Variants in CUX1 observed in about 807,000 individuals in gnomAD.
CUX1 encodes protein CASP.
In CUX1, 31 loss-of-function variants were observed where a neutral mutation model predicts 158.8. The ratio of observed to expected loss-of-function variants is 0.20; its 90% confidence interval spans 0.15 to 0.26. CUX1 has a LOEUF of 0.26. Ranked by LOEUF, CUX1 falls within the 10% of genes least tolerant of loss-of-function variation. The pLI, the probability that CUX1 is intolerant of heterozygous loss-of-function variation, is 1.00. For synonymous variants in CUX1, 879 were observed against 862.1 expected, an observed-to-expected ratio of 1.02 and a Z score of -0.34; for missense variants, 1,589 against 2,014.6, an observed-to-expected ratio of 0.79 and a Z score of 4.04.
At chr7:101,968,241 C>T (rs1811469812) in intron 2 of CUX1, among the ~76,000 whole-genome samples, 2 of 152,098 alleles carry the variant, frequency 1.3e-5, no homozygotes, top group Non-Finnish European at 2.9e-5. Flanking sequence ...AAAATCTTCA[C>T]ATAAAAGTTA....
At chr7:102,166,137 G>A (rs1392545567) in intron 9 of CUX1, among the ~76,000 whole-genome samples, 5 of 152,178 alleles carry the variant, frequency 3.3e-5, no homozygotes, top group Non-Finnish European at 7.4e-5. Flanking sequence ...CCAGGTGATG[G>A]GCATCGGCTT....
chr7:101,947,343 GT>G (rs1263636489), intron 2 of CUX1, among the ~76,000 whole-genome samples: 1 of 152,212 alleles, frequency 6.6e-6, no homozygotes, highest in Non-Finnish European at 1.5e-5. Flanking sequence ...GCAGTGAGCC[GT>G]GATCATGCCA....
chr7:102,086,776 T>TGGAC (rs1827995387), intron 4 of CUX1, among the ~76,000 whole-genome samples: 1 of 152,138 alleles, frequency 6.6e-6, no homozygotes, highest in African/African-American at 2.4e-5. Context: ...TCTTTTTTCT[T>TGGAC]TCAGTTCTGT....
rs782298488 is a variant in CUX1, at chr7:102,178,539, C to T, written c.899C>T (p.Ala300Val). The T allele has an allele frequency of 2.5e-6, 4 of 1,613,666 alleles. No individual in the cohort carries two copies. Among genetic ancestry groups the T allele is most frequent in the African/African-American group, 1.3e-5 (1 of 75,056 alleles). ...TTGGCCGCCAAGGAGCGGGAGATCGCACAGCTGGTGGAGGACGTGCAGAGA... is the reference window on the plus strand; with the variant it reads ...TTGGCCGCCAAGGAGCGGGAGATCGTACAGCTGGTGGAGGACGTGCAGAGA... Reference protein sequence around the residue: ...VELAAKEREIAQLVEDVQRLQ... With the variant: ...VELAAKEREIVQLVEDVQRLQ... Residue 300 changes from alanine (A) to valine (V), a missense_variant, in exon 11 of 24, where the codon GCA becomes GTA. Ala to Val is a moderately conservative substitution (Grantham distance 64). Around this residue, in one of 8 missense-constraint regions of CUX1, gnomAD observed 515 missense variants for 574.4 expected, o/e 0.90. Transcript: ENST00000292535.
intron 2 of CUX1, among the ~76,000 whole-genome samples, chr7:101,980,295 C>A (rs985081052): frequency 6.6e-6 from 1 of 152,074 alleles, no homozygotes; most frequent in Non-Finnish European, 1.5e-5. Context: ...TGCTTGAGCC[C>A]AGGAGTTCGA....
At chr7:101,860,657 T>C (rs1797338910) in intron 1 of CUX1, among the ~76,000 whole-genome samples, 1 of 152,172 alleles carries the variant, frequency 6.6e-6, no homozygotes, top group Non-Finnish European at 1.5e-5. Context: ...TGTCTGTCTT[T>C]CCTTCCTTTC....
intron 9 of CUX1, among the ~76,000 whole-genome samples, chr7:102,163,148 A>G (rs1790639538): frequency 6.6e-6 from 1 of 152,150 alleles, no homozygotes; most frequent in Non-Finnish European, 1.5e-5. Flanking sequence ...GTTAAAGGAA[A>G]GCCAGAGAAG....
At chr7:102,176,100 G>A (rs1292047152) in intron 10 of CUX1, among the ~76,000 whole-genome samples, 3 of 152,214 alleles carry the variant, frequency 2.0e-5, no homozygotes, top group Non-Finnish European at 2.9e-5. Flanking sequence ...CAGGAGAACC[G>A]AAACACCTCT....
intron 10 of CUX1, among the ~76,000 whole-genome samples, chr7:102,177,542 A>C (rs934600945): frequency 6.6e-6 from 1 of 152,106 alleles, no homozygotes; most frequent in African/African-American, 2.4e-5. Context: ...TTGTGGTGGA[A>C]AATCTCGGTG....
At chr7:101,900,167 G>A (rs767099466) in intron 1 of CUX1, among the ~76,000 whole-genome samples, 59 of 152,114 alleles carry the variant, frequency 3.9e-4, no homozygotes, top group Non-Finnish European at 3.2e-4. Context: ...TCCCTCTGCC[G>A]GTGTCCCTCA....
Position 101,967,527 on chromosome 7 carries a change from C to T in CUX1, c.141+51302C>T, listed in dbSNP as rs74477328. ...GATGTTCATTGAATGCAAATTCTTT[C>T]GCAAATAATGGCCTGCAACTGCTTT... On this transcript the variant is annotated intron_variant, in intron 2 of 23. Transcript: ENST00000292535. Among the ~76,000 whole-genome samples the T allele has an allele frequency of 1.6e-3, 246 of 152,226 alleles. 1 individual carries two copies. The East Asian group carries it at 0.03, about 18-fold the overall frequency.
chr7:101,819,458 A>G (rs1300393686), intron 1 of CUX1, among the ~76,000 whole-genome samples: 2 of 152,206 alleles, frequency 1.3e-5, no homozygotes, highest in East Asian at 1.9e-4. Context: ...AAACTTGAAA[A>G]GTTGCCTTCT....
chr7:102,090,666 C>T (rs1007097001), intron 4 of CUX1, among the ~76,000 whole-genome samples: 18 of 149,776 alleles, frequency 1.2e-4, no homozygotes, highest in Middle Eastern at 3.5e-3. Flanking sequence ...GGATTACAGG[C>T]GTGAGCCACC....
intron 2 of CUX1, among the ~76,000 whole-genome samples, chr7:101,919,770 C>G (rs1320969318): frequency 6.6e-6 from 1 of 152,192 alleles, no homozygotes; most frequent in African/African-American, 2.4e-5. Flanking sequence ...TCTAGACTGG[C>G]CCTTCCCAGA....
chr7:101,967,369 G>T (rs1027552507), intron 2 of CUX1, among the ~76,000 whole-genome samples: 1 of 152,184 alleles, frequency 6.6e-6, no homozygotes. Flanking sequence ...CTTTTTCAAA[G>T]ACTAATAAAG....
chr7:101,966,690 C>T (rs1585118821), intron 2 of CUX1, among the ~76,000 whole-genome samples: 2 of 152,226 alleles, frequency 1.3e-5, no homozygotes, highest in Admixed American at 6.5e-5. Flanking sequence ...CCAGGTGCCC[C>T]GACAGGTGAG....
intron 2 of CUX1, among the ~76,000 whole-genome samples, chr7:101,924,593 T>TGGAGAGCAGTGTCCAC (rs1315716854): frequency 1.3e-5 from 2 of 150,960 alleles, no homozygotes; most frequent in African/African-American, 2.4e-5. Flanking sequence ...GGAGACAGGG[T>TGGAGAGCAGTGTCCAC]CTTGCTCTGT....
chr7:102,081,398 T>C (rs535642435), intron 4 of CUX1, among the ~76,000 whole-genome samples: 1 of 146,576 alleles, frequency 6.8e-6, no homozygotes, highest in African/African-American at 2.4e-5. Context: ...GATTGGATCA[T>C]GGGGGCAGTT....
chr7:102,110,638 C>G (rs549412526), intron 6 of CUX1, among the ~76,000 whole-genome samples: 20 of 152,250 alleles, frequency 1.3e-4, no homozygotes, highest in African/African-American at 4.8e-4. Context: ...TCATAGTACA[C>G]TATCATTTGT....
Sources: allele counts gnomAD v4.1 joint callset (sites outside exome capture counted in the v4.1 genomes callset), GRCh38; gene constraint gnomAD v4.1.1; regional missense constraint gnomAD v4.1.1; transcripts MANE v1.5; gene names NCBI Gene and HGNC (gene_info 2026-07-23, HGNC 2026-07-21).